The following BLOC1S6 variants were observed in gnomAD, a reference collection of about 807,000 sequenced individuals.
The protein encoded by BLOC1S6 is biogenesis of lysosome-related organelles complex 1 subunit 6.
Under a neutral mutation model 24.7 loss-of-function variants are expected in BLOC1S6, and 24 were observed. That is an observed-to-expected ratio of 0.97 (90% CI 0.70 to 1.37). The LOEUF (loss-of-function observed/expected upper bound fraction) is 1.37, where lower values mean the gene tolerates loss of function less well. Ranked by LOEUF, BLOC1S6 falls within the 40% of genes most tolerant of loss-of-function variation. The pLI is 0.00. For synonymous variants in BLOC1S6, 76 were observed against 72.6 expected (o/e 1.05, Z -0.23); for missense variants, 175 against 196.2 (o/e 0.89, Z 0.64).
Position 45,587,531 on chromosome 15 carries a change from T to TA in BLOC1S6, c.82+7dup. ...GGCCGGGGAGCCGACGCCTGGTACGTACTATCGGGTGGGAAGCGCGGCCCG... is the reference window on the plus strand; with the variant it reads ...GGCCGGGGAGCCGACGCCTGGTACGTAACTATCGGGTGGGAAGCGCGGCCCG... On this transcript the variant is annotated splice_region_variant and intron_variant, in intron 1 of 4. Transcript: ENST00000220531. The TA allele has an allele frequency of 5.7e-6, 9 of 1,568,156 alleles. No homozygotes were observed. Among genetic ancestry groups the TA allele is most frequent in the Non-Finnish European group, 7.8e-6 (9 of 1,157,744 alleles).
intron 2 of BLOC1S6, among the ~76,000 whole-genome samples, chr15:45,597,157 C>G (rs1306989845): frequency 6.6e-6 from 1 of 152,014 alleles, no homozygotes; most frequent in African/African-American, 2.4e-5. Context: ...ATCCTTAGAT[C>G]AAGTTGGAAA....
intron 3 of BLOC1S6, 42 bp downstream of exon 3, chr15:45,603,229 T>C (rs1349689005): frequency 2.2e-6 from 3 of 1,340,088 alleles, no homozygotes; most frequent in South Asian, 2.4e-5. Flanking sequence ...ACATCTTGTC[T>C]TAGCAATAGC....
intron 2 of BLOC1S6, among the ~76,000 whole-genome samples, chr15:45,594,049 C>T (rs1293456129): frequency 1.3e-5 from 2 of 151,872 alleles, no homozygotes; most frequent in Non-Finnish European, 2.9e-5. Context: ...CCCATCTCTC[C>T]ACAAATTTCA....
intron 2 of BLOC1S6, among the ~76,000 whole-genome samples, chr15:45,600,220 T>A (rs1319447717): frequency 1.4e-5 from 2 of 147,080 alleles, no homozygotes; most frequent in Non-Finnish European, 3.0e-5. Context: ...TTGGGAGATA[T>A]ACCTAATGCT....
chr15:45,603,543 C>G (rs1894341441), intron 3 of BLOC1S6, among the ~76,000 whole-genome samples: 1 of 152,058 alleles, frequency 6.6e-6, no homozygotes, highest in African/African-American at 2.4e-5. Flanking sequence ...GAACCCATCT[C>G]TACAAAAAGT....
In BLOC1S6 at chr15:45,592,133, A is replaced by G; in HGVS notation, c.83-2A>G. 1 of 1,614,072 alleles carries G rather than the reference A, an allele frequency of 6.2e-7. No homozygotes were observed. The highest frequency in any genetic ancestry group is 8.5e-7 in the Non-Finnish European group (1 of 1,180,016). ...CCTAAATTTGATTTTTGCTGGGGAC[A>G]GGTTTAAGTGACACTTCTCCAGATG... On this transcript the variant is annotated splice_acceptor_variant, in intron 1 of 4. Transcript: ENST00000220531. LOFTEE classifies it high-confidence loss of function.
chr15:45,587,443 C>A lies in BLOC1S6; in HGVS notation c.-1C>A, dbSNP rs777403121. On this transcript the variant is annotated 5_prime_UTR_variant, in exon 1 of 5. Transcript: ENST00000220531. The stretch of plus-strand genomic sequence containing the variant: ...TTCCCTGTGTTCCCAGCTGGAGGGA[C>A]ATGAGTGTCCCTGGGCCGTCGTCTC... 3.8e-6 allele frequency: 6 copies of A among 1,576,752 alleles called. No homozygotes were observed. In the Admixed American group the frequency reaches 7.3e-5, roughly 19 times the overall value.
intron 2 of BLOC1S6, among the ~76,000 whole-genome samples, chr15:45,592,638 C>T (rs1177219690): frequency 1.3e-5 from 2 of 152,154 alleles, no homozygotes; most frequent in Non-Finnish European, 2.9e-5. Context: ...ATAAAAGTCA[C>T]GCTTGTTTTC....
At chr15:45,596,241 A>T (rs1394348630) in intron 2 of BLOC1S6, among the ~76,000 whole-genome samples, 1 of 152,180 alleles carries the variant, frequency 6.6e-6, no homozygotes, top group Non-Finnish European at 1.5e-5. Context: ...TCTGTTGCCC[A>T]GGCTGGAGTG....
intron 1 of BLOC1S6, 82 bp downstream of exon 1, chr15:45,587,607 C>A: frequency 7.2e-7 from 1 of 1,381,020 alleles, no homozygotes; most frequent in Non-Finnish European, 9.9e-7. Flanking sequence ...CGGAGAAACC[C>A]TGGGGGAGTA....
At position 45,587,487 on chromosome 15, in the gene BLOC1S6, G is replaced by C. The variant is rs1234333187; in HGVS notation, c.44G>C (p.Arg15Pro). 1 of 1,585,848 alleles carries C rather than the reference G, an allele frequency of 6.3e-7. No individual in the cohort carries two copies. The highest frequency in any genetic ancestry group is 1.7e-4 in the Middle Eastern group (1 of 6,030). ...TCGTCTCCGGACGGGGCCCTGACAC[G>C]GCCACCCTACTGCCTGGAGGCCGGG... The part of the protein sequence containing the change: ...GPSSPDGALT[R>P]PPYCLEAGEP... Residue 15 changes from arginine (R) to proline (P), a missense_variant, in exon 1 of 5, where the codon CGG becomes CCG. Physicochemically the swap from Arg to Pro is moderately radical, Grantham distance 103. Coordinates refer to ENST00000220531, the MANE Select transcript of BLOC1S6 (RefSeq NM_012388.4).
intron 1 of BLOC1S6, among the ~76,000 whole-genome samples, chr15:45,588,480 C>G (rs1414721810): frequency 2.0e-5 from 3 of 152,186 alleles, no homozygotes; most frequent in South Asian, 2.1e-4. Context: ...TGAAATTGCT[C>G]TGGACTTTTT....
intron 2 of BLOC1S6, among the ~76,000 whole-genome samples, chr15:45,596,981 C>T (rs971387346): frequency 1.3e-5 from 2 of 152,138 alleles, no homozygotes; most frequent in Non-Finnish European, 2.9e-5. Flanking sequence ...GGCCAGATTT[C>T]TGTAGCTTTA....
Position 45,603,100 on chromosome 15 carries a change from A to G in BLOC1S6, c.225A>G (p.Thr75=). 1 of 1,607,938 alleles carries G rather than the reference A, an allele frequency of 6.2e-7. No individual in the cohort carries two copies. The highest frequency in any genetic ancestry group is 1.3e-5 in the African/African-American group (1 of 74,906). The change falls in exon 3 of 5, where the codon ACA becomes ACG. Residue 75 remains threonine (T), a splice_region_variant and synonymous_variant. Transcript: ENST00000220531. ...TCTTGGCTGTGTGTTTTTGTTTCAGACAGAACCAAGTTGTATTGTTAGACA... is the reference window on the plus strand; with the variant it reads ...TCTTGGCTGTGTGTTTTTGTTTCAGGCAGAACCAAGTTGTATTGTTAGACA... The part of the protein sequence containing the change: ...QRSKQALQEL[T]QNQVVLLDTL...
rs1894473141 is a variant in BLOC1S6, at chr15:45,606,589, G to A, written c.*75G>A. On this transcript the variant is annotated 3_prime_UTR_variant, in exon 5 of 5. Transcript: ENST00000220531. Reference sequence around the variant, plus strand: ...TGACTCAAGTGTAGACTGAAGTTGAGGTAGTGCCTTATGCCATTATGTCAT... The same window carrying A: ...TGACTCAAGTGTAGACTGAAGTTGAAGTAGTGCCTTATGCCATTATGTCAT... The A allele has an allele frequency of 6.3e-7, 1 of 1,594,650 alleles. No individual in the cohort carries two copies. The highest frequency in any genetic ancestry group is 1.1e-5 in the South Asian group (1 of 90,666).
intron 1 of BLOC1S6, among the ~76,000 whole-genome samples, chr15:45,589,774 T>C (rs1893815123): frequency 6.6e-6 from 1 of 152,218 alleles, no homozygotes; most frequent in Non-Finnish European, 1.5e-5. Flanking sequence ...TTGAACTTAG[T>C]AATTAAATAT....
rs373061008 is a variant in BLOC1S6, at chr15:45,606,377, A to ATT, written c.400-9_400-8dup. 2 of 1,567,166 alleles carry ATT rather than the reference A, an allele frequency of 1.3e-6. No homozygotes were observed. Among genetic ancestry groups the ATT allele is most frequent in the Non-Finnish European group, 8.7e-7 (1 of 1,145,592 alleles). ...CCCTGATTGCTCTCTTGGTTTTTAA[A>ATT]TTTTTTTTTTAACACAGAAAAGAGC... On this transcript the variant is annotated splice_polypyrimidine_tract_variant and intron_variant, in intron 4 of 4. Transcript: ENST00000220531.
At chr15:45,596,354 C>T (rs1476173285) in intron 2 of BLOC1S6, among the ~76,000 whole-genome samples, 1 of 151,956 alleles carries the variant, frequency 6.6e-6, no homozygotes, top group East Asian at 1.9e-4. Context: ...CACACCACCA[C>T]ACCTGGCTGA....
chr15:45,604,028 A>G (rs1253981472), intron 3 of BLOC1S6, among the ~76,000 whole-genome samples: 1 of 152,190 alleles, frequency 6.6e-6, no homozygotes, highest in African/African-American at 2.4e-5. Context: ...TAACCAAAAA[A>G]AGGAACTTGT....
Sources: allele counts gnomAD v4.1 joint callset (sites outside exome capture counted in the v4.1 genomes callset), GRCh38; gene constraint gnomAD v4.1.1; transcripts MANE v1.5; gene names NCBI Gene and HGNC (gene_info 2026-07-23, HGNC 2026-07-21).